Variants in ADSL observed in about 807,000 individuals in gnomAD.
ADSL encodes the protein adenylosuccinate lyase.
In ADSL, 44 loss-of-function variants were observed where a neutral mutation model predicts 62.1. The ratio of observed to expected loss-of-function variants is 0.71; its 90% confidence interval spans 0.56 to 0.91. ADSL has a LOEUF of 0.91. Ranked by LOEUF, ADSL falls within the 40% of genes least tolerant of loss-of-function variation. ADSL has a pLI of 0.00. For missense variants in ADSL, 531 were observed against 627.4 expected, an observed-to-expected ratio of 0.85 and a Z score of 1.64; for synonymous variants, 198 against 220.5, an observed-to-expected ratio of 0.90 and a Z score of 0.90.
In ADSL at chr22:40,364,346, A is replaced by G; in HGVS notation, c.1172A>G (p.Lys391Arg). 6.2e-7 allele frequency: 1 copy of G among 1,613,994 alleles called. No homozygotes were observed. Among genetic ancestry groups the G allele is most frequent in the Non-Finnish European group, 8.5e-7 (1 of 1,179,974 alleles). ...ATENIIMAMV[K>R]AGGSRQDCHE... ...GAGAACATCATCATGGCCATGGTCA[A>G]AGCTGGAGGTAGCCGCCAGGTTTGT... Residue 391 changes from lysine (K) to arginine (R), a missense_variant, in exon 11 of 13, where the codon AAA becomes AGA. Around this residue, in one of 2 missense-constraint regions of ADSL, gnomAD observed 471 missense variants for 592.9 expected, o/e 0.79. Transcript: ENST00000623063.
At chr22:40,346,838 C>A in intron 1 of ADSL, 127 bp downstream of exon 1, 6 of 1,037,558 alleles carry the variant, frequency 5.8e-6, no homozygotes, top group Admixed American at 2.5e-5. Flanking sequence ...GCTGGGTGTT[C>A]CCTGTCCTGA....
chr22:40,369,824 G>A (rs1268819253), downstream of ADSL, among the ~76,000 whole-genome samples: 1 of 152,158 alleles, frequency 6.6e-6, no homozygotes, highest in Admixed American at 6.6e-5. Flanking sequence ...TGAAATGTCT[G>A]CTCAGCTGAA....
At chr22:40,358,024 C>T (rs530720329) in intron 4 of ADSL, among the ~76,000 whole-genome samples, 4 of 152,136 alleles carry the variant, frequency 2.6e-5, no homozygotes, top group South Asian at 4.2e-4. Flanking sequence ...GTGATCCCCC[C>T]GTCTCAGCCT....
intron 11 of ADSL, 162 bp downstream of exon 11, chr22:40,364,527 G>T: frequency 1.4e-6 from 1 of 739,934 alleles, no homozygotes. Context: ...GGGTGATTTT[G>T]GTGAACTGAA....
intron 4 of ADSL, among the ~76,000 whole-genome samples, chr22:40,355,330 A>G (rs2044513017): frequency 6.6e-6 from 1 of 151,972 alleles, no homozygotes; most frequent in Admixed American, 6.6e-5. Flanking sequence ...GTTTGGAGAG[A>G]TAGGGTTTCG....
At chr22:40,348,462 C>G (rs2044224863) in intron 1 of ADSL, 1 of 398,488 alleles carries the variant, frequency 2.5e-6, no homozygotes, top group African/African-American at 2.1e-5. Context: ...TGGCTCGTTA[C>G]AACCTCTGCA....
At chr22:40,361,245 G>A in intron 7 of ADSL, 28 bp from the exon 8 acceptor site, 2 of 1,607,062 alleles carry the variant, frequency 1.2e-6, no homozygotes, top group East Asian at 2.2e-5. Flanking sequence ...ACAGTGTGGG[G>A]TGATGCTTAT....
chr22:40,369,607 G>A (rs1223263783), downstream of ADSL, among the ~76,000 whole-genome samples: 1 of 151,804 alleles, frequency 6.6e-6, no homozygotes, highest in Admixed American at 6.6e-5. Flanking sequence ...GGGCTCAAGC[G>A]ATCCTCTCAC....
intron 2 of ADSL, 121 bp downstream of exon 2, chr22:40,350,156 G>GGGAGAC: frequency 1.2e-6 from 1 of 869,396 alleles, no homozygotes; most frequent in Non-Finnish European, 1.8e-6. Context: ...TTGAGGCAGA[G>GGGAGAC]TCTCCCTCTG....
intron 4 of ADSL, 37 bp from the exon 5 acceptor site, chr22:40,358,827 G>C (rs753866210): frequency 3.2e-6 from 5 of 1,547,800 alleles, no homozygotes; most frequent in Middle Eastern, 1.7e-4. Context: ...TTAAGGTCTC[G>C]GTCTGAGACT....
chr22:40,352,937 GGC>G (rs1282329141), intron 2 of ADSL, 134 bp from the exon 3 acceptor site: 2 of 707,498 alleles, frequency 2.8e-6, no homozygotes, highest in African/African-American at 1.8e-5. Flanking sequence ...AGTATTTTCT[GGC>G]GTGCTTAGTG....
chr22:40,346,939 C>CGGAGGAGGCTG (rs1424261591), intron 1 of ADSL, among the ~76,000 whole-genome samples: 4 of 152,208 alleles, frequency 2.6e-5, no homozygotes, highest in African/African-American at 4.8e-5. Context: ...GTTCGAGACG[C>CGGAGGAGGCTG]GGAGGAGGCT....
chr22:40,387,257 G>C (rs1156741484), intron 2 of ADSL: 1 of 398,310 alleles, frequency 2.5e-6, no homozygotes, highest in Non-Finnish European at 4.4e-6. Context: ...CTGCCACAGA[G>C]TATAATAGCA....
downstream of ADSL, among the ~76,000 whole-genome samples, chr22:40,370,075 C>T (rs1017425674): frequency 6.6e-6 from 1 of 152,176 alleles, no homozygotes; most frequent in Non-Finnish European, 1.5e-5. Flanking sequence ...CGCGGTGGCT[C>T]ACGCCTGTAA....
At chr22:40,362,948 T>A in intron 9 of ADSL, 33 bp from the exon 10 acceptor site, 1 of 1,576,678 alleles carries the variant, frequency 6.3e-7, no homozygotes, top group South Asian at 1.1e-5. Flanking sequence ...ATTATTTGTT[T>A]AAAGACATAC....
rs992561735 is a variant in ADSL at position 40,368,069 on chromosome 22, G to A, written c.*1547G>A. On this transcript the variant is annotated 3_prime_UTR_variant, in exon 13 of 13. Coordinates refer to ENST00000623063, the MANE Select transcript of ADSL (RefSeq NM_000026.4). The stretch of plus-strand genomic sequence containing the variant: ...GAGCCAACCTCCAAAAAGATCTTGT[G>A]GTGGAGGAATGTTAGGGCTCTTTAT... 12 of 152,184 alleles carry A rather than the reference G, an allele frequency of 7.9e-5. No homozygotes were observed. Among genetic ancestry groups the A allele is most frequent in the Admixed American group, 2.0e-4 (3 of 15,278 alleles). 9.4% of individuals were successfully genotyped at this position (152,184 alleles called of 1,614,324 possible).
intron 11 of ADSL, 39 bp from the exon 12 acceptor site, chr22:40,364,841 T>A: frequency 6.2e-7 from 1 of 1,609,040 alleles, no homozygotes; most frequent in Non-Finnish European, 8.5e-7. Context: ...TCAAACGCCC[T>A]GTTAGTAGGG....
At chr22:40,382,242 T>C (rs144223250) in intron 2 of ADSL, among the ~76,000 whole-genome samples, 21 of 152,328 alleles carry the variant, frequency 1.4e-4, no homozygotes, top group African/African-American at 3.8e-4. Context: ...GCACCAGTTC[T>C]TCCATTTATC....
Position 40,346,588 on chromosome 22 carries a change from C to A in ADSL, c.30C>A (p.Pro10=), listed in dbSNP as rs776352156. 4.4e-6 allele frequency: 7 copies of A among 1,606,082 alleles called. No individual in the cohort carries two copies. Reference sequence around the variant, plus strand: ...CGGCTGGAGGCGATCATGGTTCGCCCGACAGCTACCGCTCACCTCTTGCCT... The same window carrying A: ...CGGCTGGAGGCGATCATGGTTCGCCAGACAGCTACCGCTCACCTCTTGCCT... MAAGGDHGS[P]DSYRSPLASR... The change falls in exon 1 of 13, where the codon CCC becomes CCA. Residue 10 remains proline (P), a synonymous_variant. Coordinates refer to ENST00000623063, the MANE Select transcript of ADSL (RefSeq NM_000026.4).
Sources: gnomAD v4.1 joint callset for allele counts (sites outside exome capture counted in the v4.1 genomes callset) on GRCh38, gnomAD v4.1.1 for gene constraint, gnomAD v4.1.1 regional missense constraint, MANE v1.5 for transcripts, NCBI Gene and HGNC (gene_info 2026-07-23, HGNC 2026-07-21) for gene names.